Variants in GPC6 observed in about 807,000 individuals in gnomAD.
GPC6 encodes the protein glypican 6.
In GPC6, 14 loss-of-function variants were observed where a neutral mutation model predicts 55.2. The ratio of observed to expected loss-of-function variants is 0.25; its 90% CI spans 0.17 to 0.40. The LOEUF is 0.40. Ranked by LOEUF, GPC6 falls within the 10% of genes least tolerant of loss-of-function variation. The pLI is 1.00. For synonymous variants in GPC6, 278 were observed against 259.6 expected, an observed-to-expected ratio of 1.07 and a Z score of -0.68; for missense variants, 641 against 708.5, an observed-to-expected ratio of 0.90 and a Z score of 1.08.
At chr13:94,035,596 G>T (rs76980891) in intron 4 of GPC6, among the ~76,000 whole-genome samples, 1 of 152,022 alleles carries the variant, frequency 6.6e-6, no homozygotes, top group Non-Finnish European at 1.5e-5. Context: ...AAGGAAGGCG[G>T]TTTACCTCCT....
intron 4 of GPC6, among the ~76,000 whole-genome samples, chr13:94,072,217 C>A (rs1424677105): frequency 1.3e-5 from 2 of 152,116 alleles, no homozygotes; most frequent in African/African-American, 4.8e-5. Flanking sequence ...TTATATATAA[C>A]CTATGCACAA....
intron 2 of GPC6, among the ~76,000 whole-genome samples, chr13:93,601,663 C>A (rs1878020109): frequency 6.6e-6 from 1 of 152,184 alleles, no homozygotes. Flanking sequence ...ATTTATTAAA[C>A]TGTGTTTCAT....
intron 4 of GPC6, among the ~76,000 whole-genome samples, chr13:94,085,921 A>G (rs1005925414): frequency 2.0e-5 from 3 of 152,222 alleles, no homozygotes; most frequent in Middle Eastern, 6.3e-3. Context: ...TATATAATAT[A>G]TAGTCAACTT....
At chr13:93,833,762 G>A (rs1887622700) in intron 3 of GPC6, among the ~76,000 whole-genome samples, 1 of 152,070 alleles carries the variant, frequency 6.6e-6, no homozygotes, top group Non-Finnish European at 1.5e-5. Flanking sequence ...GAAAAATGGA[G>A]GTCTAAATTG....
intron 3 of GPC6, among the ~76,000 whole-genome samples, chr13:94,000,315 A>G (rs1189589747): frequency 6.6e-6 from 1 of 152,172 alleles, no homozygotes; most frequent in Non-Finnish European, 1.5e-5. Context: ...ACCACCTTTG[A>G]AATCCATTTA....
intron 2 of GPC6, among the ~76,000 whole-genome samples, chr13:93,571,037 A>G (rs1876377384): frequency 6.6e-6 from 1 of 151,990 alleles, no homozygotes; most frequent in East Asian, 1.9e-4. Context: ...TATTACATAT[A>G]TATATATTTT....
intron 1 of GPC6, among the ~76,000 whole-genome samples, chr13:93,265,073 A>G (rs1433122393): frequency 6.6e-6 from 1 of 152,184 alleles, no homozygotes; most frequent in Non-Finnish European, 1.5e-5. Flanking sequence ...GACGCCAAAC[A>G]TATGGCCATA....
intron 3 of GPC6, among the ~76,000 whole-genome samples, chr13:93,930,093 T>TGGTA (rs1176664459): frequency 6.6e-6 from 1 of 152,068 alleles, no homozygotes; most frequent in Non-Finnish European, 1.5e-5. Flanking sequence ...CACACTGCTT[T>TGGTA]GGCCCAGAGA....
intron 1 of GPC6, among the ~76,000 whole-genome samples, chr13:93,481,236 C>T (rs922513436): frequency 3.3e-5 from 5 of 152,066 alleles, no homozygotes; most frequent in African/African-American, 1.2e-4. Context: ...TTGTATATCT[C>T]TTTTGAAATG....
intron 3 of GPC6, among the ~76,000 whole-genome samples, chr13:93,915,324 G>T (rs1159977919): frequency 6.6e-6 from 1 of 152,164 alleles, no homozygotes; most frequent in African/African-American, 2.4e-5. Context: ...TGCTGTAAAT[G>T]TAGCAAAGTG....
At chr13:93,341,721 G>A (rs1880261750) in intron 1 of GPC6, among the ~76,000 whole-genome samples, 1 of 146,868 alleles carries the variant, frequency 6.8e-6, no homozygotes, top group African/African-American at 2.5e-5. Context: ...TTTTTTTGCT[G>A]AGCAGACGCT....
chr13:93,336,235 G>C (rs2139143303), intron 1 of GPC6, among the ~76,000 whole-genome samples: 1 of 152,320 alleles, frequency 6.6e-6, no homozygotes, highest in Admixed American at 6.5e-5. Flanking sequence ...TGTGTAAAAT[G>C]TGTGGAGTAA....
chr13:94,093,444 T>C (rs1052877134), intron 4 of GPC6, among the ~76,000 whole-genome samples: 14 of 152,214 alleles, frequency 9.2e-5, no homozygotes, highest in East Asian at 3.9e-4. Flanking sequence ...TGGCTCTTAT[T>C]CTGTTCTGTT....
At chr13:94,122,261 A>G (rs895254350) in intron 4 of GPC6, among the ~76,000 whole-genome samples, 1 of 152,066 alleles carries the variant, frequency 6.6e-6, no homozygotes, top group Admixed American at 6.6e-5. Flanking sequence ...GGCACTTTGC[A>G]GGCTTTTCTC....
At chr13:94,187,451 C>T (rs1055752058) in intron 4 of GPC6, 23 of 152,288 alleles carry the variant, frequency 1.5e-4, no homozygotes, top group African/African-American at 5.5e-4. Flanking sequence ...ATAAAGCATT[C>T]ACGAATTTTA....
intron 2 of GPC6, among the ~76,000 whole-genome samples, chr13:93,679,005 A>G (rs1034703902): frequency 2.6e-5 from 4 of 152,142 alleles, no homozygotes; most frequent in African/African-American, 7.2e-5. Context: ...AAATGCCTCT[A>G]CATTCTCCTG....
intron 6 of GPC6, among the ~76,000 whole-genome samples, chr13:94,368,986 G>A (rs1005265355): frequency 1.1e-4 from 17 of 152,154 alleles, no homozygotes; most frequent in African/African-American, 3.4e-4. Context: ...CCTTGTCCCT[G>A]AGCAAAAACC....
At chr13:93,235,509 G>A (rs1876203302) in intron 1 of GPC6, among the ~76,000 whole-genome samples, 1 of 152,176 alleles carries the variant, frequency 6.6e-6, no homozygotes, top group South Asian at 2.1e-4. Flanking sequence ...CCTGGGGAGG[G>A]AAGAAGGACA....
chr13:93,362,356 C>T (rs547997716), intron 1 of GPC6, among the ~76,000 whole-genome samples: 28 of 152,204 alleles, frequency 1.8e-4, no homozygotes, highest in African/African-American at 5.1e-4. Flanking sequence ...TCCATTTTAC[C>T]ATCTCCTTAC....
Sources: gnomAD v4.1 joint callset for allele counts (sites outside exome capture counted in the v4.1 genomes callset) on GRCh38, gnomAD v4.1.1 for gene constraint, MANE v1.5 for transcripts, NCBI Gene and HGNC (gene_info 2026-07-23, HGNC 2026-07-21) for gene names.